ADAMTS17: variants seen among roughly 807,000 people sequenced by gnomAD.
ADAMTS17 encodes A disintegrin and metalloproteinase with thrombospondin motifs 17.
A neutral mutation model predicts 141.5 loss-of-function variants in ADAMTS17; 113 were observed. That is an observed-to-expected ratio of 0.80 (90% confidence interval 0.69 to 0.93). The LOEUF is 0.93. Among genes scored for constraint, ADAMTS17 ranks in the 40% least tolerant of loss-of-function variants. ADAMTS17 has a pLI of 0.00. For missense variants in ADAMTS17, 1,659 were observed against 1,517.9 expected, an observed-to-expected ratio of 1.09 and a Z score of -1.54; for synonymous variants, 768 against 630.6, an observed-to-expected ratio of 1.22 and a Z score of -3.27.
chr15:100,157,081 G>C (rs758966995), intron 8 of ADAMTS17, among the ~76,000 whole-genome samples: 94 of 152,194 alleles, frequency 6.2e-4, no homozygotes, highest in Non-Finnish European at 1.0e-3. Flanking sequence ...AGAAGCACAA[G>C]CAAGGAAAAT....
At chr15:100,314,961 C>T (rs777826381) in intron 3 of ADAMTS17, among the ~76,000 whole-genome samples, 8 of 152,258 alleles carry the variant, frequency 5.3e-5, no homozygotes, top group South Asian at 2.1e-4. Context: ...TTTTATAAAC[C>T]GGGAACTGAA....
At chr15:100,134,008 T>A (rs1378323049) in intron 10 of ADAMTS17, among the ~76,000 whole-genome samples, 1 of 152,216 alleles carries the variant, frequency 6.6e-6, no homozygotes, top group African/African-American at 2.4e-5. Context: ...GACTCCCAAC[T>A]GTATCATTAG....
At chr15:100,029,501 G>T (rs147670645) in intron 18 of ADAMTS17, among the ~76,000 whole-genome samples, 42 of 152,036 alleles carry the variant, frequency 2.8e-4, no homozygotes, top group Admixed American at 2.1e-3. Context: ...TAGGGCATCC[G>T]GCTGCCTCAT....
At chr15:100,147,179 T>A (rs1366469528) in intron 10 of ADAMTS17, among the ~76,000 whole-genome samples, 1 of 152,102 alleles carries the variant, frequency 6.6e-6, no homozygotes, top group Non-Finnish European at 1.5e-5. Context: ...TACCGAGATG[T>A]GATGTCTCCC....
At chr15:100,078,530 G>T (rs117192136) in intron 15 of ADAMTS17, among the ~76,000 whole-genome samples, 6,442 of 151,582 alleles carry the variant, frequency 0.042, 194 homozygotes, top group South Asian at 0.11. Context: ...AAAGGATGAA[G>T]TTGTACACCT....
At chr15:100,070,408 G>A (rs1442095535) in intron 15 of ADAMTS17, among the ~76,000 whole-genome samples, 5 of 150,200 alleles carry the variant, frequency 3.3e-5, no homozygotes, top group Non-Finnish European at 7.4e-5. Flanking sequence ...GACATCTATA[G>A]AACTCTCCAC....
chr15:100,070,449 GCAC>G (rs1441255686), intron 15 of ADAMTS17, among the ~76,000 whole-genome samples: 2 of 150,158 alleles, frequency 1.3e-5, no homozygotes, highest in African/African-American at 2.5e-5. Flanking sequence ...ATTCTTCTCA[GCAC>G]CACACCACAC....
intron 13 of ADAMTS17, among the ~76,000 whole-genome samples, chr15:100,113,881 G>A (rs2036946850): frequency 1.3e-5 from 2 of 152,240 alleles, no homozygotes; most frequent in African/African-American, 4.8e-5. Context: ...TCCAGACGCA[G>A]CCTTTGCCAA....
At chr15:100,024,351 C>T (rs1035293944) in intron 18 of ADAMTS17, among the ~76,000 whole-genome samples, 2 of 152,210 alleles carry the variant, frequency 1.3e-5, no homozygotes, top group African/African-American at 4.8e-5. Context: ...CCACCTTGGC[C>T]TCCCAAAGTG....
intron 3 of ADAMTS17, among the ~76,000 whole-genome samples, chr15:100,315,653 C>A (rs1345723045): frequency 1.3e-5 from 2 of 152,202 alleles, no homozygotes; most frequent in East Asian, 1.9e-4. Flanking sequence ...CTAGGCAACA[C>A]AATGAGACCC....
intron 3 of ADAMTS17, among the ~76,000 whole-genome samples, chr15:100,319,838 G>A (rs941749957): frequency 7.9e-5 from 12 of 152,312 alleles, no homozygotes; most frequent in African/African-American, 2.6e-4. Flanking sequence ...GCTGAGGCAG[G>A]AGAATTGCTT....
intron 21 of ADAMTS17, among the ~76,000 whole-genome samples, chr15:99,975,587 C>T (rs938106645): frequency 2.6e-5 from 4 of 152,162 alleles, no homozygotes; most frequent in Admixed American, 2.6e-4. Context: ...AGGTTCCGAG[C>T]ACCCAGGGCC....
At chr15:100,075,834 T>C (rs2034334204) in intron 15 of ADAMTS17, among the ~76,000 whole-genome samples, 1 of 152,202 alleles carries the variant, frequency 6.6e-6, no homozygotes, top group Non-Finnish European at 1.5e-5. Flanking sequence ...TTTTTCTCAA[T>C]CCTGTCCTCC....
chr15:100,034,599 C>A (rs371957390), intron 18 of ADAMTS17, among the ~76,000 whole-genome samples: 77 of 152,362 alleles, frequency 5.1e-4, no homozygotes, highest in South Asian at 3.5e-3. Flanking sequence ...TCTATCAGAA[C>A]TGGTGTTTGT....
chr15:100,113,766 C>T (rs2036936396), intron 13 of ADAMTS17, among the ~76,000 whole-genome samples: 1 of 152,222 alleles, frequency 6.6e-6, no homozygotes, highest in Non-Finnish European at 1.5e-5. Flanking sequence ...CTTGGCGGAG[C>T]TGTCGTCAGA....
At chr15:100,117,299 C>T (rs2037199198) in intron 12 of ADAMTS17, among the ~76,000 whole-genome samples, 1 of 152,172 alleles carries the variant, frequency 6.6e-6, no homozygotes, top group Non-Finnish European at 1.5e-5. Flanking sequence ...TTGCGTCCTT[C>T]ATCTGAACTT....
At chr15:100,057,810 C>T (rs1007355974) in intron 15 of ADAMTS17, among the ~76,000 whole-genome samples, 6 of 152,086 alleles carry the variant, frequency 3.9e-5, no homozygotes, top group Non-Finnish European at 8.8e-5. Flanking sequence ...GGAAGATGTC[C>T]ACAGAGAGGA....
intron 13 of ADAMTS17, 126 bp downstream of exon 13, chr15:100,116,721 C>T: frequency 7.6e-7 from 1 of 1,317,480 alleles, no homozygotes; most frequent in Non-Finnish European, 1.1e-6. Flanking sequence ...CTGAGCTGGG[C>T]AGAGGACTGG....
At chr15:100,210,127 A>T (rs1418293811) in intron 7 of ADAMTS17, among the ~76,000 whole-genome samples, 1 of 144,708 alleles carries the variant, frequency 6.9e-6, no homozygotes, top group Non-Finnish European at 1.5e-5. Context: ...GCCACTCAGG[A>T]GGCTGAGGCA....
Sources: allele counts gnomAD v4.1 joint callset (sites outside exome capture counted in the v4.1 genomes callset), GRCh38; gene constraint gnomAD v4.1.1; transcripts MANE v1.5; gene names NCBI Gene and HGNC (gene_info 2026-07-23, HGNC 2026-07-21).